Variants in LPL observed in about 807,000 individuals in gnomAD.
LPL encodes phospholipase A1.
A neutral mutation model predicts 52.2 loss-of-function variants in LPL; 43 were observed. The ratio of observed to expected loss-of-function variants is 0.82; its 90% confidence interval spans 0.64 to 1.06. The LOEUF is 1.06. Ranked by LOEUF, LPL falls within the 50% of genes least tolerant of loss-of-function variation. The probability of loss-of-function intolerance (pLI) is 0.00; values close to 1 mark genes in which losing one functional copy is unlikely to be tolerated. For missense variants in LPL, 639 were observed against 585.3 expected, an observed-to-expected ratio of 1.09 and a Z score of -0.95; for synonymous variants, 244 against 215.6, an observed-to-expected ratio of 1.13 and a Z score of -1.15.
In LPL at chr8:19,954,336, CAGAG is replaced by C. The variant is rs1563575291; in HGVS notation, c.763_766del (p.Arg255AspfsTer8). The C allele has an allele frequency of 6.2e-7, 1 of 1,613,938 alleles. No homozygotes were observed. The highest frequency in any genetic ancestry group is 8.5e-7 in the Non-Finnish European group (1 of 1,179,828). On this transcript the variant is annotated frameshift_variant, in exon 5 of 10. Transcript: ENST00000650287. LOFTEE classifies it high-confidence loss of function. ...ATTGGAGAAGCTATCCGCGTGATTG[CAGAG>C]AGAGGACTTGGAGGTAAATATTATT... is the stretch of plus-strand genomic sequence containing the variant.
chr8:19,965,201 G>T, intron 9 of LPL, 109 bp from the exon 10 acceptor site: 1 of 746,864 alleles, frequency 1.3e-6, no homozygotes. Context: ...CCTTTGTTCT[G>T]AAATTCCATT....
intron 9 of LPL, among the ~76,000 whole-genome samples, chr8:19,962,589 C>T (rs1193666548): frequency 2.0e-5 from 3 of 152,072 alleles, no homozygotes; most frequent in Non-Finnish European, 4.4e-5. Flanking sequence ...TAGTAGTTGC[C>T]GTTCTGGCTG....
chr8:19,947,610 G>T (rs2069892393), intron 1 of LPL, among the ~76,000 whole-genome samples: 1 of 151,288 alleles, frequency 6.6e-6, no homozygotes, highest in South Asian at 2.1e-4. Flanking sequence ...TTTGGCCTGG[G>T]ACACAGAACA....
chr8:19,955,605 A>C (rs1413446032), intron 5 of LPL, among the ~76,000 whole-genome samples: 1 of 152,168 alleles, frequency 6.6e-6, no homozygotes, highest in Non-Finnish European at 1.5e-5. Flanking sequence ...TAAATATAAG[A>C]AGCACAAAAG....
chr8:19,962,254 T>C, intron 9 of LPL, 35 bp downstream of exon 9: 1 of 1,541,762 alleles, frequency 6.5e-7, no homozygotes, highest in Non-Finnish European at 9.0e-7. Context: ...CTGGGCATCC[T>C]GAGCTTGCAC....
intron 9 of LPL, among the ~76,000 whole-genome samples, chr8:19,964,672 G>T (rs2070070004): frequency 6.6e-6 from 1 of 152,044 alleles, no homozygotes; most frequent in Non-Finnish European, 1.5e-5. Flanking sequence ...GGGATTATAG[G>T]TGCCCGTTAC....
chr8:19,947,777 C>G (rs1220418257), intron 1 of LPL, among the ~76,000 whole-genome samples: 1 of 151,608 alleles, frequency 6.6e-6, no homozygotes, highest in East Asian at 2.0e-4. Flanking sequence ...GGCTCTGATC[C>G]TCACCCTCCC....
chr8:19,964,617 C>G (rs375619208), intron 9 of LPL, among the ~76,000 whole-genome samples: 2 of 152,274 alleles, frequency 1.3e-5, no homozygotes, highest in East Asian at 1.9e-4. Context: ...GCAACTCTGC[C>G]TCCCGGGTTC....
chr8:19,953,250 T>C, intron 3 of LPL, 60 bp from the exon 4 acceptor site: 1 of 983,534 alleles, frequency 1.0e-6, no homozygotes, highest in Non-Finnish European at 1.6e-6. Flanking sequence ...TTCATTTTGT[T>C]TCTTTTAGTT....
rs1041560952 is a variant in LPL, at chr8:19,955,950, A to C, written c.885A>C (p.Glu295Asp). ...AGGCCTACAGGTGCAGTTCCAAGGA[A>C]GCCTTTGAGAAAGGGCTCTGCTTGA... ...PSKAYRCSSK[E>D]AFEKGLCLSC... Residue 295 changes from glutamate to aspartate, a missense_variant, in exon 6 of 10, where the codon GAA becomes GAC. By Grantham distance (45) the Glu-to-Asp change is conservative (BLOSUM62 2). Coordinates refer to ENST00000650287, the MANE Select transcript of LPL (RefSeq NM_000237.3). 2.2e-5 allele frequency: 36 copies of C among 1,614,072 alleles called. No individual in the cohort carries two copies. In the Middle Eastern group the frequency reaches 9.9e-4, roughly 44 times the overall value.
intron 1 of LPL, among the ~76,000 whole-genome samples, chr8:19,943,401 G>A (rs1402744212): frequency 2.6e-5 from 4 of 151,888 alleles, no homozygotes; most frequent in Admixed American, 1.3e-4. Context: ...AATTAATTAC[G>A]GTGAAAAACA....
chr8:19,939,302 T>C lies in LPL; in HGVS notation c.-139T>C. The C allele has an allele frequency of 1.4e-6, 1 of 720,660 alleles. No homozygotes were observed. Among genetic ancestry groups the C allele is most frequent in the Non-Finnish European group, 2.4e-6 (1 of 420,112 alleles). 44.6% of individuals were successfully genotyped at this position (720,660 alleles called of 1,614,324 possible). Reference sequence around the variant, plus strand: ...TCCTCCTCAAGGGAAAGCTGCCCACTTCTAGCTGCCCTGCCATCCCCTTTA... The same window carrying C: ...TCCTCCTCAAGGGAAAGCTGCCCACCTCTAGCTGCCCTGCCATCCCCTTTA... On this transcript the variant is annotated 5_prime_UTR_variant, in exon 1 of 10. Transcript: ENST00000650287. The surrounding 1 kb of genome is among the most constrained non-coding windows in gnomAD (Gnocchi z 4.0).
intron 1 of LPL, among the ~76,000 whole-genome samples, chr8:19,940,173 A>G (rs966565824): frequency 6.6e-6 from 1 of 152,054 alleles, no homozygotes; most frequent in African/African-American, 2.4e-5. Flanking sequence ...GCGGCGTCCC[A>G]CCCGCTCTGG....
At chr8:19,960,864 C>G in intron 7 of LPL, 37 bp from the exon 8 acceptor site, 1 of 1,532,694 alleles carries the variant, frequency 6.5e-7, no homozygotes, top group Non-Finnish European at 9.0e-7. Flanking sequence ...GAGAGCTGAT[C>G]TCTATAACTA....
rs149089920 is a variant in LPL at position 19,962,134 on chromosome 8, G to A, written c.1342G>A (p.Glu448Lys). Reference sequence around the variant, plus strand: ...CCACAGGGTGATCTTCTGTTCTAGGGAGAAAGTGTCTCATTTGCAGAAAGG... The same window carrying A: ...CCACAGGGTGATCTTCTGTTCTAGGAAGAAAGTGTCTCATTTGCAGAAAGG... Reference protein sequence around the residue: ...TQKKVIFCSREKVSHLQKGKA... With the variant: ...TQKKVIFCSRKKVSHLQKGKA... The change falls in exon 9 of 10, where the codon GAG (glutamate) becomes AAG (lysine). Residue 448 changes from glutamate to lysine, a missense_variant. Glu to Lys is a moderately conservative substitution (Grantham distance 56). Coordinates refer to ENST00000650287, the MANE Select transcript of LPL (RefSeq NM_000237.3). The A allele has an allele frequency of 3.4e-5, 55 of 1,613,310 alleles. No homozygotes were observed. In the African/African-American group the frequency reaches 6.0e-4, roughly 18 times the overall value.
chr8:19,959,294 G>T lies in LPL; in HGVS notation c.1053G>T (p.Gly351=), dbSNP rs775934129. The change falls in exon 7 of 10, where the codon GGG becomes GGT. Residue 351 remains glycine (G), a synonymous_variant. Coordinates refer to ENST00000650287, the MANE Select transcript of LPL (RefSeq NM_000237.3). ...FHYQVKIHFS[G]TESETHTNQA... Reference sequence around the variant, plus strand: ...ACCAAGTAAAGATTCATTTTTCTGGGACTGAGAGTGAAACCCATACCAATC... The same window carrying T: ...ACCAAGTAAAGATTCATTTTTCTGGTACTGAGAGTGAAACCCATACCAATC... The T allele has an allele frequency of 1.2e-6, 2 of 1,614,040 alleles. No individual in the cohort carries two copies. Among genetic ancestry groups the T allele is most frequent in the Admixed American group, 1.7e-5 (1 of 60,008 alleles).
At chr8:19,959,901 G>C (rs2070022860) in intron 7 of LPL, among the ~76,000 whole-genome samples, 1 of 140,974 alleles carries the variant, frequency 7.1e-6, no homozygotes, top group Admixed American at 8.0e-5. Context: ...CAATTCTTCT[G>C]TCTCAGCCTC....
chr8:19,960,953 G>A lies in LPL; in HGVS notation c.1192G>A (p.Asp398Asn). Residue 398 changes from aspartate (D) to asparagine (N), a missense_variant, in exon 8 of 10, where the codon GAT (aspartate) becomes AAT (asparagine). By Grantham distance (23) the Asp-to-Asn change is conservative. Transcript: ENST00000650287. ...TYSFLIYTEV[D>N]IGELLMLKLK... ...CTCCTTCCTAATTTACACAGAGGTA[G>A]ATATTGGAGAACTACTCATGTTGAA... The A allele has an allele frequency of 1.2e-6, 2 of 1,614,086 alleles. No individual in the cohort carries two copies. Among genetic ancestry groups the A allele is most frequent in the Non-Finnish European group, 8.5e-7 (1 of 1,179,958 alleles).
chr8:19,955,882 C>G lies in LPL; in HGVS notation c.817C>G (p.His273Asp). The change falls in exon 6 of 10, where the codon CAT becomes GAT. Residue 273 changes from histidine to aspartate, a missense_variant. Physicochemically the swap from His to Asp is moderately conservative, Grantham distance 81. Transcript: ENST00000650287. ...GAAGTGCTCCCACGAGCGCTCCATT[C>G]ATCTCTTCATCGACTCTCTGTTGAA... is the stretch of plus-strand genomic sequence containing the variant. ...LVKCSHERSIHLFIDSLLNEE... is the reference protein window; with the variant it reads ...LVKCSHERSIDLFIDSLLNEE... 1 of 1,614,198 alleles carries G rather than the reference C, an allele frequency of 6.2e-7. No individual in the cohort carries two copies. The highest frequency in any genetic ancestry group is 8.5e-7 in the Non-Finnish European group (1 of 1,180,032).
Sources: gnomAD v4.1 joint callset for allele counts (sites outside exome capture counted in the v4.1 genomes callset) on GRCh38, gnomAD v4.1.1 for gene constraint, Gnocchi (gnomAD v3.1) non-coding constraint, MANE v1.5 for transcripts, NCBI Gene and HGNC (gene_info 2026-07-23, HGNC 2026-07-21) for gene names.